The following PCDHGA7 variants were observed in gnomAD, a reference collection of about 807,000 sequenced individuals.
PCDHGA7 encodes the protein protocadherin gamma subfamily A, 7.
A neutral mutation model predicts 58.3 loss-of-function variants in PCDHGA7; 44 were observed. The ratio of observed to expected loss-of-function variants is 0.75; its 90% CI spans 0.59 to 0.97. The LOEUF (loss-of-function observed/expected upper bound fraction) is 0.97. Among genes scored for constraint, PCDHGA7 ranks in the 50% least tolerant of loss-of-function variants. The probability of loss-of-function intolerance (pLI) is 0.00; values close to 1 mark genes in which losing one functional copy is unlikely to be tolerated. For synonymous variants in PCDHGA7, 516 were observed against 504.2 expected, an observed-to-expected ratio of 1.02 and a Z score of -0.31; for missense variants, 1,266 against 1,188.7, an observed-to-expected ratio of 1.06 and a Z score of -0.96.
intron 1 of PCDHGA7, chr5:141,404,727 T>G (rs762980421): frequency 6.2e-7 from 1 of 1,613,912 alleles, no homozygotes; most frequent in Non-Finnish European, 8.5e-7. Flanking sequence ...ACCAAGGTGG[T>G]GGCAGTGGAC....
At chr5:141,472,332 G>A (rs566731120) in intron 1 of PCDHGA7, among the ~76,000 whole-genome samples, 1 of 152,116 alleles carries the variant, frequency 6.6e-6, no homozygotes, top group East Asian at 1.9e-4. Flanking sequence ...ACGAGGTTGG[G>A]AGATCGAGAC....
chr5:141,489,060 TC>T lies in PCDHGA7; in HGVS notation c.2425-5741del, dbSNP rs1037208652. 41 of 300,146 alleles carry T rather than the reference TC, an allele frequency of 1.4e-4. No individual in the cohort carries two copies. The highest frequency in any genetic ancestry group is 2.3e-4 in the Non-Finnish European group (38 of 162,914). The allele number at this position is 300,146 out of a possible 1,614,324, so 18.6% of individuals were successfully genotyped here. A position where few individuals can be genotyped will look rare whatever the true frequency, so the allele number is the denominator to read the frequency against. On this transcript the variant is annotated intron_variant, in intron 1 of 3. Coordinates refer to ENST00000518325, the MANE Select transcript of PCDHGA7 (RefSeq NM_018920.4). This position sits in a 1 kb window ranked among gnomAD's most constrained non-coding sequence, Gnocchi z 4.5. ...CAGCTCCACTCAAATTCAGCTCCCC[TC>T]CCCCCTGCCCACCCCCGCCACTCGG...
chr5:141,479,574 T>A (rs1291334449), intron 1 of PCDHGA7: 1 of 152,228 alleles, frequency 6.6e-6, no homozygotes, highest in South Asian at 2.1e-4. Context: ...GGATGACATC[T>A]GTGAATAGCC....
intron 1 of PCDHGA7, chr5:141,411,968 T>C (rs1257112227): frequency 6.6e-6 from 1 of 152,260 alleles, no homozygotes; most frequent in Non-Finnish European, 1.5e-5. Flanking sequence ...GATAAAATCT[T>C]TGAAGAGTTC....
chr5:141,423,802 C>A, intron 1 of PCDHGA7: 3 of 1,254,704 alleles, frequency 2.4e-6, no homozygotes, highest in South Asian at 2.9e-5. Context: ...TAGAGCAATA[C>A]ATGTGAGTTT....
rs1779802926 is a variant in PCDHGA7, at chr5:141,384,177, T to C, written c.1278T>C (p.Asp426=). 6.2e-7 allele frequency: 1 copy of C among 1,613,720 alleles called. No individual in the cohort carries two copies. The highest frequency in any genetic ancestry group is 1.3e-5 in the African/African-American group (1 of 74,936). ...ATAACATCACACTGAAAGCCACAGA[T>C]GGTGGAACTCCTCCCTTGTCCAGGG... is the stretch of plus-strand genomic sequence containing the variant. ...SLYNITLKAT[D]GGTPPLSRET... Residue 426 remains aspartate (D), a synonymous_variant, in exon 1 of 4, where the codon GAT becomes GAC. Transcript: ENST00000518325.
chr5:141,437,728 A>T (rs1236819934), intron 1 of PCDHGA7, among the ~76,000 whole-genome samples: 1 of 150,908 alleles, frequency 6.6e-6, no homozygotes, highest in Non-Finnish European at 1.5e-5. Context: ...CTAATGTTAC[A>T]CTTTGAGTTC....
chr5:141,385,638 T>A, intron 1 of PCDHGA7: 1 of 831,764 alleles, frequency 1.2e-6, no homozygotes, highest in Non-Finnish European at 1.5e-6. Context: ...ATCGAGTCTT[T>A]CATATTGCAC....
chr5:141,383,667 A>G lies in PCDHGA7; in HGVS notation c.768A>G (p.Pro256=), dbSNP rs1167694570. 3 of 1,614,020 alleles carry G rather than the reference A, an allele frequency of 1.9e-6. No homozygotes were observed. Among genetic ancestry groups the G allele is most frequent in the Non-Finnish European group, 2.5e-6 (3 of 1,179,898 alleles). ...QYQVTVPENV[P]VGTRLLTVHA... is the part of the protein sequence containing the mutation. ...AAGTAACTGTCCCCGAGAATGTGCC[A>G]GTGGGTACAAGACTGCTCACGGTAC... Residue 256 remains proline, a synonymous_variant, in exon 1 of 4, where the codon CCA becomes CCG. Coordinates refer to ENST00000518325, the MANE Select transcript of PCDHGA7 (RefSeq NM_018920.4).
intron 1 of PCDHGA7, among the ~76,000 whole-genome samples, chr5:141,451,298 C>T (rs1221562397): frequency 6.6e-6 from 1 of 152,206 alleles, no homozygotes; most frequent in African/African-American, 2.4e-5. Context: ...CAAAGTCTTA[C>T]AAGGCAGCAA....
At chr5:141,466,213 C>G (rs2099118871) in intron 1 of PCDHGA7, among the ~76,000 whole-genome samples, 1 of 151,958 alleles carries the variant, frequency 6.6e-6, no homozygotes, top group South Asian at 2.1e-4. Flanking sequence ...CTCTGTTACC[C>G]AGGCTGGAGT....
rs117345436 is a variant in PCDHGA7 at position 141,492,015 on chromosome 5, G to T, written c.2425-2792G>T. 1,356 of 600,608 alleles carry T rather than the reference G, an allele frequency of 2.3e-3. 40 individuals carry two copies. The East Asian group carries it at 0.038, about 17-fold the overall frequency. The allele number at this position is 600,608 out of a possible 1,614,324, so 37.2% of individuals were successfully genotyped here. A position where few individuals can be genotyped will look rare whatever the true frequency, so the allele number is the denominator to read the frequency against. ...ATTTCGGGCGATTTCCGCGGGTGTC[G>T]GGGGTCCCGGGAGGAGGCAGTCACA... On this transcript the variant is annotated intron_variant, in intron 1 of 3. Transcript: ENST00000518325.
chr5:141,498,807 C>G (rs113587634), intron 2 of PCDHGA7, among the ~76,000 whole-genome samples: 1 of 152,030 alleles, frequency 6.6e-6, no homozygotes, highest in Non-Finnish European at 1.5e-5. Flanking sequence ...GTGGTGCACA[C>G]CTGTAGTCCC....
chr5:141,424,962 C>G (rs1018789700), intron 1 of PCDHGA7, among the ~76,000 whole-genome samples: 2 of 152,116 alleles, frequency 1.3e-5, no homozygotes, highest in Admixed American at 6.6e-5. Flanking sequence ...GTATTTGCCC[C>G]AAATTACTTG....
In PCDHGA7 at chr5:141,399,794, C is replaced by A. The variant is rs2093888579; in HGVS notation, c.2424+14471C>A. ...GTGGGCGACCGAAACGACAACGCAC[C>A]GCGGGTGCTGTACCCCGCGCTGGGT... is the stretch of plus-strand genomic sequence containing the variant. On this transcript the variant is annotated intron_variant, in intron 1 of 3. Transcript: ENST00000518325. 1.9e-6 allele frequency: 3 copies of A among 1,613,268 alleles called. No homozygotes were observed. The highest frequency in any genetic ancestry group is 1.1e-5 in the South Asian group (1 of 91,052).
In PCDHGA7 at chr5:141,476,784, C is replaced by A; in HGVS notation, c.2425-18023C>A. 1 of 1,613,520 alleles carries A rather than the reference C, an allele frequency of 6.2e-7. No homozygotes were observed. On this transcript the variant is annotated intron_variant, in intron 1 of 3. Transcript: ENST00000518325. The surrounding 1 kb of genome is among the most constrained non-coding windows in gnomAD (Gnocchi z 7.6). ...ACGGCGTTGGACGGAGGGACCCCAGCTCTCTCCGCCAGCCTGCCTATTCAC... is the reference window on the plus strand; with the variant it reads ...ACGGCGTTGGACGGAGGGACCCCAGATCTCTCCGCCAGCCTGCCTATTCAC...
intron 1 of PCDHGA7, chr5:141,478,819 C>G (rs927315523): frequency 2.1e-6 from 3 of 1,447,842 alleles, no homozygotes; most frequent in Non-Finnish European, 2.7e-6. Context: ...CACAACTAAC[C>G]AATCTTGCTA....
chr5:141,412,219 C>T (rs549742411), intron 1 of PCDHGA7: 1 of 152,334 alleles, frequency 6.6e-6, no homozygotes, highest in African/African-American at 2.4e-5. Context: ...TAAACACTTA[C>T]TTGTTAAAAA....
Position 141,486,294 on chromosome 5 carries a change from T to C in PCDHGA7, c.2425-8513T>C, listed in dbSNP as rs764106041. The C allele has an allele frequency of 1.2e-6, 2 of 1,614,036 alleles. No homozygotes were observed. The highest frequency in any genetic ancestry group is 1.7e-6 in the Non-Finnish European group (2 of 1,179,998). On this transcript the variant is annotated intron_variant, in intron 1 of 3. Transcript: ENST00000518325. The surrounding 1 kb of genome is among the most constrained non-coding windows in gnomAD (Gnocchi z 5.0). ...GGCACTGTGGTGGCACTTATCAGTG[T>C]GCAGGATCCAGACTCAGGGTCAAAC...
Sources: allele counts gnomAD v4.1 joint callset (sites outside exome capture counted in the v4.1 genomes callset), GRCh38; gene constraint gnomAD v4.1.1; non-coding constraint Gnocchi (gnomAD v3.1); transcripts MANE v1.5; gene names NCBI Gene and HGNC (gene_info 2026-07-23, HGNC 2026-07-21).